The following AGMO variants were observed in gnomAD, a reference collection of about 807,000 sequenced individuals.
AGMO encodes alkylglycerol monooxygenase.
AGMO carries 75 observed loss-of-function variants against 60.2 expected under a neutral mutation model. The observed-to-expected ratio is 1.25, with a 90% CI of 1.03 to 1.51. The LOEUF (loss-of-function observed/expected upper bound fraction) is 1.51, where lower values mean the gene tolerates loss of function less well. Ranked by LOEUF, AGMO falls within the 40% of genes most tolerant of loss-of-function variation. The pLI is 0.00. For synonymous variants in AGMO, 261 were observed against 177.1 expected, an observed-to-expected ratio of 1.47 and a Z score of -3.76; for missense variants, 763 against 525.5, an observed-to-expected ratio of 1.45 and a Z score of -4.42.
intron 12 of AGMO, among the ~76,000 whole-genome samples, chr7:15,235,589 G>A (rs922694433): frequency 6.6e-6 from 1 of 152,020 alleles, no homozygotes; most frequent in Non-Finnish European, 1.5e-5. Context: ...TCAGAAATAG[G>A]CCGTTCTGAT....
intron 10 of AGMO, among the ~76,000 whole-genome samples, chr7:15,383,683 A>AG (rs1783789824): frequency 6.6e-6 from 1 of 152,062 alleles, no homozygotes; most frequent in Admixed American, 6.5e-5. Context: ...TTACTTATGG[A>AG]GTTTTTAACT....
intron 5 of AGMO, among the ~76,000 whole-genome samples, chr7:15,407,292 C>A (rs1333657709): frequency 6.9e-6 from 1 of 144,468 alleles, no homozygotes; most frequent in East Asian, 2.0e-4. Context: ...TATATAAACA[C>A]TAGAAATGCA....
intron 12 of AGMO, among the ~76,000 whole-genome samples, chr7:15,289,378 A>G (rs1363885595): frequency 3.3e-5 from 5 of 152,052 alleles, no homozygotes; most frequent in East Asian, 1.9e-4. Flanking sequence ...TGTTTTCTAA[A>G]AAAAAGTAGG....
intron 5 of AGMO, among the ~76,000 whole-genome samples, chr7:15,416,264 CCT>C (rs1780766557): frequency 6.6e-6 from 1 of 151,982 alleles, no homozygotes. Flanking sequence ...AAACTCCTGA[CCT>C]CAGGTGATCT....
At chr7:15,206,768 TA>T (rs1781450385) in intron 12 of AGMO, among the ~76,000 whole-genome samples, 1 of 152,150 alleles carries the variant, frequency 6.6e-6, no homozygotes, top group Non-Finnish European at 1.5e-5. Flanking sequence ...GAGAAAATAC[TA>T]AACATAACGC....
intron 5 of AGMO, among the ~76,000 whole-genome samples, chr7:15,402,320 CTTCTT>C (rs1310614525): frequency 1.4e-5 from 2 of 139,492 alleles, no homozygotes; most frequent in African/African-American, 6.7e-5. Flanking sequence ...TTTTCTCTCT[CTTCTT>C]CTTCTCTTTT....
intron 10 of AGMO, among the ~76,000 whole-genome samples, chr7:15,371,389 A>ATT (rs528877003): frequency 7.0e-6 from 1 of 142,944 alleles, no homozygotes. Context: ...CGCACAGCTA[A>ATT]TTTTTTTTTT....
intron 12 of AGMO, among the ~76,000 whole-genome samples, chr7:15,320,388 T>G (rs1361178544): frequency 1.3e-5 from 2 of 152,072 alleles, no homozygotes; most frequent in African/African-American, 2.4e-5. Context: ...CATTTCTTAT[T>G]TCTGGATTCT....
At chr7:15,181,926 A>T in the AGMO span, among the ~76,000 whole-genome samples, 5 of 152,294 alleles carry the variant, frequency 3.3e-5, no homozygotes, top group Non-Finnish European at 7.3e-5. Context: ...TACTGATAGC[A>T]GCATTATTCA....
At chr7:15,278,186 G>A (rs1783853796) in intron 12 of AGMO, among the ~76,000 whole-genome samples, 1 of 152,144 alleles carries the variant, frequency 6.6e-6, no homozygotes, top group Non-Finnish European at 1.5e-5. Flanking sequence ...AATACAGACA[G>A]CTTTGTGGCT....
intron 12 of AGMO, among the ~76,000 whole-genome samples, chr7:15,336,439 C>T (rs1394105391): frequency 1.3e-5 from 2 of 150,194 alleles, no homozygotes; most frequent in Non-Finnish European, 3.0e-5. Flanking sequence ...GAAAAAAAAA[C>T]ACCAGTAACT....
chr7:15,539,146 TA>T (rs1219127041), intron 3 of AGMO, among the ~76,000 whole-genome samples: 3 of 152,080 alleles, frequency 2.0e-5, no homozygotes, highest in Non-Finnish European at 4.4e-5. Context: ...TTAATTTTAT[TA>T]TTTTTTTAAC....
rs1781485439 is a variant in AGMO, at chr7:15,439,225, C to T, written c.410-8117G>A. Among the ~76,000 whole-genome samples, 4 of 152,044 alleles carry T rather than the reference C, an allele frequency of 2.6e-5. No homozygotes were observed. The South Asian group carries it at 8.3e-4, about 32-fold the overall frequency. ...CATCCCGGCCAACATGGTGAAACCCCATCTCTACTAAAAATACAAAAATTA... is the reference window on the plus strand; with the variant it reads ...CATCCCGGCCAACATGGTGAAACCCTATCTCTACTAAAAATACAAAAATTA... On this transcript the variant is annotated intron_variant, in intron 3 of 12. Transcript: ENST00000342526.
At chr7:15,371,468 G>A (rs886766174) in intron 10 of AGMO, among the ~76,000 whole-genome samples, 2 of 151,802 alleles carry the variant, frequency 1.3e-5, no homozygotes. Context: ...TCGGCTCACT[G>A]CAATCTCCGC....
chr7:15,173,639 A>G, the AGMO span, among the ~76,000 whole-genome samples: 8 of 152,228 alleles, frequency 5.3e-5, no homozygotes, highest in Admixed American at 2.6e-4. Context: ...ACTATATTGT[A>G]ATGTTATACA....
At chr7:15,124,189 G>A in the AGMO span, among the ~76,000 whole-genome samples, 6 of 151,842 alleles carry the variant, frequency 4.0e-5, no homozygotes, top group Admixed American at 3.3e-4. Flanking sequence ...ACCCCAAACC[G>A]ACCAACCACC....
chr7:15,374,709 T>A, intron 10 of AGMO, among the ~76,000 whole-genome samples: 1 of 152,042 alleles, frequency 6.6e-6, no homozygotes, highest in East Asian at 1.9e-4. Flanking sequence ...TTGCACCAGT[T>A]TCCCACCTTG....
intron 10 of AGMO, among the ~76,000 whole-genome samples, chr7:15,374,783 G>C (rs6965690): frequency 1.3e-5 from 2 of 151,790 alleles, no homozygotes; most frequent in African/African-American, 2.4e-5. Context: ...GAATTGTGGA[G>C]AAAGAGCCAG....
intron 3 of AGMO, among the ~76,000 whole-genome samples, chr7:15,506,690 C>T (rs935112696): frequency 6.6e-6 from 1 of 151,922 alleles, no homozygotes; most frequent in Non-Finnish European, 1.5e-5. Context: ...AACTCCAATA[C>T]CACTGTAGAT....
Sources: allele counts gnomAD v4.1 joint callset (sites outside exome capture counted in the v4.1 genomes callset), GRCh38; gene constraint gnomAD v4.1.1; transcripts MANE v1.5; gene names NCBI Gene and HGNC (gene_info 2026-07-23, HGNC 2026-07-21).